PRDM16: variants seen among roughly 807,000 people sequenced by gnomAD.
PRDM16 encodes histone-lysine N-methyltransferase PRDM16.
A neutral mutation model predicts 110.6 loss-of-function variants in PRDM16; 23 were observed. That is an observed-to-expected ratio of 0.21 (90% CI 0.15 to 0.29). PRDM16 has a LOEUF of 0.29. PRDM16 is among the 10% of genes least tolerant of loss of function. The pLI is 1.00. For missense variants in PRDM16, 1,615 were observed against 1,794.3 expected (o/e 0.90, Z 1.81); for synonymous variants, 799 against 781.8 (o/e 1.02, Z -0.37).
intron 4 of PRDM16, among the ~76,000 whole-genome samples, chr1:3,388,296 GTCTC>G (rs1426322735): frequency 1.3e-5 from 2 of 148,928 alleles, no homozygotes; most frequent in South Asian, 4.2e-4. Context: ...CTCTTTCTCT[GTCTC>G]TCTCTTTCTC....
intron 3 of PRDM16, among the ~76,000 whole-genome samples, chr1:3,371,207 A>T (rs1299347889): frequency 2.4e-4 from 4 of 16,910 alleles, no homozygotes; most frequent in Non-Finnish European, 3.4e-4. Flanking sequence ...CCATCCATCC[A>T]CCCACCCACC....
chr1:3,131,845 G>A (rs887045998), intron 1 of PRDM16, among the ~76,000 whole-genome samples: 2 of 152,130 alleles, frequency 1.3e-5, no homozygotes, highest in Non-Finnish European at 2.9e-5. Flanking sequence ...CCTGGGACCC[G>A]CCTGCTTCCC....
chr1:3,181,111 CGGCCTT>C (rs1644158498), intron 1 of PRDM16, among the ~76,000 whole-genome samples: 1 of 137,252 alleles, frequency 7.3e-6, no homozygotes, highest in Non-Finnish European at 1.6e-5. Flanking sequence ...GTCTTACACG[CGGCCTT>C]ACACACGCAG....
chr1:3,329,397 C>A (rs1641995814), intron 3 of PRDM16, among the ~76,000 whole-genome samples: 1 of 149,390 alleles, frequency 6.7e-6, no homozygotes, highest in African/African-American at 2.4e-5. Flanking sequence ...GTCTCGCTAT[C>A]CAGTTTTGCA....
intron 3 of PRDM16, among the ~76,000 whole-genome samples, chr1:3,251,563 A>G (rs1438354094): frequency 6.6e-6 from 1 of 152,092 alleles, no homozygotes; most frequent in African/African-American, 2.4e-5. Flanking sequence ...GTCAGGGTGC[A>G]CAGGTGCTGC....
chr1:3,138,109 G>A (rs1643476748), intron 1 of PRDM16, among the ~76,000 whole-genome samples: 1 of 152,156 alleles, frequency 6.6e-6, no homozygotes, highest in African/African-American at 2.4e-5. Flanking sequence ...GTCGTTCTTG[G>A]GACACGAAAG....
chr1:3,404,158 C>T (rs55820208), intron 6 of PRDM16, among the ~76,000 whole-genome samples: 4,738 of 152,312 alleles, frequency 0.031, 79 homozygotes, highest in Middle Eastern at 0.075. Flanking sequence ...ACGGTCATCC[C>T]TGGGACAAGG....
intron 2 of PRDM16, among the ~76,000 whole-genome samples, chr1:3,195,253 A>G (rs1271232619): frequency 6.6e-6 from 1 of 152,174 alleles, no homozygotes; most frequent in African/African-American, 2.4e-5. Context: ...CAGGCTTCCC[A>G]TGTCCCCCGG....
chr1:3,324,572 G>A (rs1009110980), intron 3 of PRDM16, among the ~76,000 whole-genome samples: 25 of 152,202 alleles, frequency 1.6e-4, no homozygotes, highest in Admixed American at 1.4e-3. Context: ...GACAACATCC[G>A]AACAGCCGAG....
intron 1 of PRDM16, among the ~76,000 whole-genome samples, chr1:3,083,707 T>C (rs559847049): frequency 7.4e-4 from 112 of 152,230 alleles, no homozygotes; most frequent in African/African-American, 2.6e-3. Flanking sequence ...GGGTGTTGTT[T>C]ATCAGAGGGG....
chr1:3,340,650 G>A (rs146688153), intron 3 of PRDM16, among the ~76,000 whole-genome samples: 122 of 152,308 alleles, frequency 8.0e-4, no homozygotes, highest in Non-Finnish European at 1.4e-3. Flanking sequence ...CCAATTGTTA[G>A]CTCCATCGAT....
intron 3 of PRDM16, among the ~76,000 whole-genome samples, chr1:3,297,245 C>T (rs751766928): frequency 6.6e-6 from 1 of 151,358 alleles, no homozygotes; most frequent in Admixed American, 6.6e-5. Flanking sequence ...CCCGAAGCAG[C>T]GAGACCCTAT....
chr1:3,082,712 C>T (rs1236920278), intron 1 of PRDM16, among the ~76,000 whole-genome samples: 2 of 152,210 alleles, frequency 1.3e-5, no homozygotes, highest in Non-Finnish European at 2.9e-5. Flanking sequence ...ACCCTGTTGC[C>T]GCAGCAAGGA....
intron 1 of PRDM16, among the ~76,000 whole-genome samples, chr1:3,124,647 G>C (rs539331298): frequency 6.6e-6 from 1 of 152,344 alleles, no homozygotes; most frequent in Admixed American, 6.5e-5. Context: ...GGTCCTGCCA[G>C]GCCTTGGAGC....
chr1:3,378,364 G>A (rs56057171), intron 3 of PRDM16, among the ~76,000 whole-genome samples: 389 of 152,272 alleles, frequency 2.6e-3, no homozygotes, highest in Non-Finnish European at 4.7e-3. Flanking sequence ...AGCAGGGACC[G>A]GGACCTGGGA....
intron 2 of PRDM16, among the ~76,000 whole-genome samples, chr1:3,193,730 C>T (rs1638378822): frequency 6.6e-6 from 1 of 152,204 alleles, no homozygotes; most frequent in Non-Finnish European, 1.5e-5. Flanking sequence ...AGAGTGAGTG[C>T]CCCTCCCACA....
chr1:3,176,582 C>G (rs1644092763), intron 1 of PRDM16, among the ~76,000 whole-genome samples: 2 of 150,818 alleles, frequency 1.3e-5, no homozygotes, highest in Admixed American at 1.3e-4. Flanking sequence ...ATCCATTCTT[C>G]CTTCCTTCTG....
At position 3,255,907 on chromosome 1, in the gene PRDM16, C is replaced by A. The variant is rs1210235283; in HGVS notation, c.438+11770C>A. ...TGACACCCGAAGCCAACCCCGTGGC[C>A]GCACCGACACCTGAAGCCAATCCCG... On this transcript the variant is annotated intron_variant, in intron 3 of 16. Coordinates refer to ENST00000270722, the MANE Select transcript of PRDM16 (RefSeq NM_022114.4). This position sits in a 1 kb window ranked among gnomAD's most constrained non-coding sequence, Gnocchi z 4.7. Among the ~76,000 whole-genome samples, 1 of 151,944 alleles carries A rather than the reference C, an allele frequency of 6.6e-6. No homozygotes were observed. Among genetic ancestry groups the A allele is most frequent in the African/African-American group, 2.4e-5 (1 of 41,324 alleles).
chr1:3,365,200 G>C (rs888242129), intron 3 of PRDM16, among the ~76,000 whole-genome samples: 2 of 152,134 alleles, frequency 1.3e-5, no homozygotes, highest in Non-Finnish European at 2.9e-5. Context: ...AGGGGGCCTT[G>C]GGTGGGCGCA....
Sources: allele counts gnomAD v4.1 joint callset (sites outside exome capture counted in the v4.1 genomes callset), GRCh38; gene constraint gnomAD v4.1.1; non-coding constraint Gnocchi (gnomAD v3.1); transcripts MANE v1.5; gene names NCBI Gene and HGNC (gene_info 2026-07-23, HGNC 2026-07-21).